The following PIGL variants were observed in gnomAD, a reference collection of about 807,000 sequenced individuals.
The protein encoded by PIGL is phosphatidylinositol glycan anchor biosynthesis class L.
PIGL carries 22 observed loss-of-function variants against 31.1 expected under a neutral mutation model. The observed-to-expected ratio is 0.71, with a 90% CI of 0.51 to 1.01. The LOEUF (loss-of-function observed/expected upper bound fraction) is 1.01. PIGL is among the 50% of genes least tolerant of loss of function. The pLI is 0.00. For missense variants in PIGL, 302 were observed against 315.9 expected (o/e 0.96, Z 0.33); for synonymous variants, 131 against 117.4 (o/e 1.12, Z -0.75).
rs528597529 is a variant in PIGL at position 16,320,327 on chromosome 17, C to T, written c.660+2419C>T. ...AGGGAAGGGAAGGAAGGAAGGGAAG[C>T]GAAGGAAGGAAGGGAAGGGAAGGAA... On this transcript the variant is annotated intron_variant, in intron 6 of 6. Coordinates refer to ENST00000225609, the MANE Select transcript of PIGL (RefSeq NM_004278.4). Among the ~76,000 whole-genome samples the T allele has an allele frequency of 6.2e-4, 53 of 85,662 alleles. 1 individual carries two copies. The highest frequency in any genetic ancestry group is 2.4e-3 in the African/African-American group (51 of 21,062). 56.2% of individuals were successfully genotyped at this position (85,662 alleles called of 152,430 possible).
At chr17:16,241,685 G>A (rs2092723975) in intron 2 of PIGL, among the ~76,000 whole-genome samples, 1 of 152,104 alleles carries the variant, frequency 6.6e-6, no homozygotes. Context: ...AGGAGAATTG[G>A]AAGCATTGAG....
At chr17:16,259,899 G>A (rs1173854080) in intron 2 of PIGL, among the ~76,000 whole-genome samples, 1 of 152,218 alleles carries the variant, frequency 6.6e-6, no homozygotes, top group African/African-American at 2.4e-5. Context: ...GACTCAGGAA[G>A]CCCCCTGCCC....
chr17:16,315,569 C>T (rs2093071817), intron 4 of PIGL, among the ~76,000 whole-genome samples: 1 of 152,130 alleles, frequency 6.6e-6, no homozygotes. Flanking sequence ...TACTTCCAGA[C>T]AGCGCCTCTA....
chr17:16,308,189 C>T (rs1004776063), intron 3 of PIGL, among the ~76,000 whole-genome samples: 3 of 151,690 alleles, frequency 2.0e-5, no homozygotes, highest in Non-Finnish European at 2.9e-5. Context: ...AAAAATTAGC[C>T]GGGTGTGGTG....
At chr17:16,312,611 T>C (rs1051641265) in intron 3 of PIGL, 100 of 169,220 alleles carry the variant, frequency 5.9e-4, no homozygotes, top group Non-Finnish European at 1.1e-3. Context: ...ATCACGCCAC[T>C]GCACTCCAGC....
chr17:16,301,936 A>T (rs1218483079), intron 3 of PIGL, among the ~76,000 whole-genome samples: 3 of 151,944 alleles, frequency 2.0e-5, no homozygotes, highest in Non-Finnish European at 4.4e-5. Flanking sequence ...CCTGGGCTCA[A>T]GCTGTCCTCC....
At chr17:16,303,570 G>A (rs1015363659) in intron 3 of PIGL, among the ~76,000 whole-genome samples, 4 of 150,336 alleles carry the variant, frequency 2.7e-5, no homozygotes, top group East Asian at 1.9e-4. Flanking sequence ...ATGAAGTCTC[G>A]CTCTGTTGCC....
chr17:16,279,888 G>A (rs1056426452), intron 2 of PIGL: 18 of 152,218 alleles, frequency 1.2e-4, no homozygotes, highest in Non-Finnish European at 2.4e-4. Context: ...GTGATTCTGG[G>A]TTGACCTTGT....
intron 1 of PIGL, chr17:16,217,788 GC>G (rs1446836482): frequency 3.3e-6 from 1 of 301,124 alleles, no homozygotes; most frequent in Non-Finnish European, 6.3e-6. Flanking sequence ...TGTAGAAGGA[GC>G]AAGAATATTG....
intron 2 of PIGL, among the ~76,000 whole-genome samples, chr17:16,241,502 C>T (rs571117530): frequency 6.0e-5 from 9 of 148,774 alleles, no homozygotes; most frequent in African/African-American, 1.2e-4. Flanking sequence ...GGGAGGAGGA[C>T]GGTGCAGTGA....
chr17:16,280,875 T>G (rs2092914063), intron 2 of PIGL, among the ~76,000 whole-genome samples: 1 of 152,126 alleles, frequency 6.6e-6, no homozygotes, highest in Non-Finnish European at 1.5e-5. Context: ...TGGCTAATTT[T>G]TGTAGTTTTA....
rs185567974 is a variant in PIGL at position 16,312,728 on chromosome 17, G to A, written c.427-819G>A. The A allele has an allele frequency of 5.3e-3, 865 of 161,812 alleles. 13 individuals are homozygous for A. Among genetic ancestry groups the A allele is most frequent in the African/African-American group, 0.019 (798 of 41,636 alleles). 10.0% of individuals were successfully genotyped at this position (161,812 alleles called of 1,614,324 possible). ...GCGGTTAGGAGCTGGAGACCAGCCCGGCCAACACAGCGAAACCCCGTCTCC... is the reference window on the plus strand; with the variant it reads ...GCGGTTAGGAGCTGGAGACCAGCCCAGCCAACACAGCGAAACCCCGTCTCC... On this transcript the variant is annotated intron_variant, in intron 3 of 6. Transcript: ENST00000225609.
chr17:16,326,128 C>T lies in PIGL; in HGVS notation c.*230C>T, dbSNP rs1480562106. The T allele has an allele frequency of 3.8e-6, 2 of 524,566 alleles. No individual in the cohort carries two copies. The highest frequency in any genetic ancestry group is 6.7e-6 in the Non-Finnish European group (2 of 296,578). 32.5% of individuals were successfully genotyped at this position (524,566 alleles called of 1,614,324 possible). A position where few individuals can be genotyped will look rare whatever the true frequency, so the allele number is the denominator to read the frequency against. ...ACCACCCCAAGGATAATAATAGCTA[C>T]ACTGCTAGCTTCTCAAGTTCTTGTG... On this transcript the variant is annotated 3_prime_UTR_variant, in exon 7 of 7. Transcript: ENST00000225609.
chr17:16,267,985 C>A (rs758561276), intron 2 of PIGL, among the ~76,000 whole-genome samples: 7 of 152,112 alleles, frequency 4.6e-5, no homozygotes, highest in Non-Finnish European at 7.3e-5. Flanking sequence ...AGAACAGACT[C>A]GTCCCTCAAG....
At chr17:16,276,865 T>C (rs769871037) in intron 2 of PIGL, among the ~76,000 whole-genome samples, 1 of 152,264 alleles carries the variant, frequency 6.6e-6, no homozygotes. Context: ...ATTTGCTTTG[T>C]TATACTTGGC....
chr17:16,320,740 T>C lies in PIGL; in HGVS notation c.660+2832T>C, dbSNP rs189030203. On this transcript the variant is annotated intron_variant, in intron 6 of 6. Coordinates refer to ENST00000225609, the MANE Select transcript of PIGL (RefSeq NM_004278.4). ...ACCTCCACCTCCCAGGTTCAAGCAA[T>C]TCTTCTGTCTCAGCCTCTCCAGTAA... 8.4e-4 allele frequency among the ~76,000 whole-genome samples: 127 copies of C among 151,698 alleles called. 2 individuals are homozygous for C. The East Asian group carries it at 0.022, about 26-fold the overall frequency.
chr17:16,288,471 C>T (rs7219665), intron 2 of PIGL, among the ~76,000 whole-genome samples: 6,737 of 152,266 alleles, frequency 0.044, 201 homozygotes, highest in African/African-American at 0.088. Context: ...TCCCAAAGTG[C>T]TGGGATTACA....
intron 1 of PIGL, 171 bp downstream of exon 1, chr17:16,217,632 TGGTGGGTTGGGG>T: frequency 5.6e-6 from 3 of 540,066 alleles, no homozygotes; most frequent in Admixed American, 3.5e-5. Context: ...CCGGCTTACC[TGGTGGGTTGGGG>T]GACGTCGGCA....
intron 1 of PIGL, among the ~76,000 whole-genome samples, chr17:16,231,232 C>CTTT (rs975246766): frequency 4.0e-5 from 5 of 126,508 alleles, no homozygotes; most frequent in African/African-American, 1.2e-4. Flanking sequence ...ATTTTCTTTT[C>CTTT]TTTTTTTTTT....
Sources: gnomAD v4.1 joint callset for allele counts (sites outside exome capture counted in the v4.1 genomes callset) on GRCh38, gnomAD v4.1.1 for gene constraint, MANE v1.5 for transcripts, NCBI Gene and HGNC (gene_info 2026-07-23, HGNC 2026-07-21) for gene names.